The following PHF20 variants were observed in gnomAD, a reference collection of about 807,000 sequenced individuals.
PHF20 encodes the protein PHD finger protein 20, also known as glioma-expressed antigen 2.
PHF20 carries 23 observed loss-of-function variants against 113.5 expected under a neutral mutation model. The ratio of observed to expected loss-of-function variants is 0.20; its 90% CI spans 0.15 to 0.29. The LOEUF (loss-of-function observed/expected upper bound fraction) is 0.29, where lower values mean the gene tolerates loss of function less well. Ranked by LOEUF, PHF20 falls within the 10% of genes least tolerant of loss-of-function variation. PHF20 has a pLI of 1.00. For synonymous variants in PHF20, 434 were observed against 457.3 expected (o/e 0.95, Z 0.65); for missense variants, 943 against 1,219.6 (o/e 0.77, Z 3.38).
intron 9 of PHF20, among the ~76,000 whole-genome samples, chr20:35,893,722 C>G (rs1282588836): frequency 6.6e-6 from 1 of 152,132 alleles, no homozygotes; most frequent in Non-Finnish European, 1.5e-5. Flanking sequence ...TCAAGTGATT[C>G]TCCTGCCTCA....
chr20:35,863,164 C>A lies in PHF20; in HGVS notation c.572C>A (p.Pro191His), dbSNP rs774172000. 1 of 1,613,364 alleles carries A rather than the reference C, an allele frequency of 6.2e-7. No homozygotes were observed. The highest frequency in any genetic ancestry group is 2.2e-5 in the East Asian group (1 of 44,864). ...AAACCCTTAAAGACAGAAAAGCGAC[C>A]CAAGCAGCCTGATAAAGAAGGAAAG... ...EDKPLKTEKR[P>H]KQPDKEGKLI... Residue 191 changes from proline to histidine, a missense_variant, in exon 6 of 18, where the codon CCC (proline) becomes CAC (histidine). By Grantham distance (77) the Pro-to-His change is moderately conservative. Transcript: ENST00000374012.
At chr20:35,941,881 A>G (rs1324952735) in intron 17 of PHF20, among the ~76,000 whole-genome samples, 4 of 152,190 alleles carry the variant, frequency 2.6e-5, no homozygotes, top group African/African-American at 9.6e-5. Flanking sequence ...AGGGCTTCCT[A>G]AAACTCCTGA....
At chr20:35,784,003 A>C (rs2041356148) in intron 1 of PHF20, among the ~76,000 whole-genome samples, 1 of 151,630 alleles carries the variant, frequency 6.6e-6, no homozygotes, top group African/African-American at 2.4e-5. Context: ...AACCAAACCA[A>C]AGTACTGGGA....
chr20:35,894,885 C>T (rs1025884793), intron 9 of PHF20, among the ~76,000 whole-genome samples: 2 of 152,196 alleles, frequency 1.3e-5, no homozygotes, highest in Non-Finnish European at 2.9e-5. Flanking sequence ...GACGGAGTCT[C>T]ACTCTTGTCA....
chr20:35,861,994 ATAAACT>A (rs1158627419), intron 5 of PHF20, among the ~76,000 whole-genome samples: 2 of 152,200 alleles, frequency 1.3e-5, no homozygotes, highest in African/African-American at 4.8e-5. Context: ...ATGTACACAA[ATAAACT>A]TAATTATAGT....
intron 2 of PHF20, among the ~76,000 whole-genome samples, chr20:35,805,874 T>C (rs907816917): frequency 1.3e-5 from 2 of 151,890 alleles, no homozygotes; most frequent in Non-Finnish European, 2.9e-5. Context: ...CTTTTTTTTT[T>C]CGTTTGGGAC....
intron 9 of PHF20, among the ~76,000 whole-genome samples, chr20:35,891,790 C>T (rs1315705079): frequency 6.6e-6 from 1 of 152,096 alleles, no homozygotes; most frequent in Admixed American, 6.6e-5. Context: ...TTTGCAAAAC[C>T]TTCACGAGAA....
intron 14 of PHF20, among the ~76,000 whole-genome samples, chr20:35,930,369 A>G (rs2055728531): frequency 6.6e-6 from 1 of 152,146 alleles, no homozygotes; most frequent in Non-Finnish European, 1.5e-5. Context: ...AGTAAACAAG[A>G]CTGTGTAAGG....
At chr20:35,805,350 ATTT>A (rs202026110) in intron 2 of PHF20, among the ~76,000 whole-genome samples, 3,938 of 130,164 alleles carry the variant, frequency 0.03, 65 homozygotes, top group African/African-American at 0.045. Context: ...ACCACGCCTG[ATTT>A]TTTATTATTA....
intron 9 of PHF20, among the ~76,000 whole-genome samples, chr20:35,881,585 T>C (rs1178916398): frequency 1.3e-5 from 2 of 151,586 alleles, no homozygotes; most frequent in Admixed American, 6.6e-5. Context: ...CCATATTTCC[T>C]AAAGACAAGG....
intron 9 of PHF20, chr20:35,878,373 T>C (rs1027177233): frequency 2.5e-6 from 1 of 400,338 alleles, no homozygotes; most frequent in South Asian, 5.9e-5. Context: ...TGAAAATGTG[T>C]GCCTGCTACA....
intron 17 of PHF20, among the ~76,000 whole-genome samples, chr20:35,945,884 GGGGTCCTGCAT>G (rs2056075536): frequency 6.6e-6 from 1 of 152,122 alleles, no homozygotes; most frequent in Non-Finnish European, 1.5e-5. Flanking sequence ...AATATTTAAA[GGGGTCCTGCAT>G]GGTGGTTCAT....
intron 1 of PHF20, among the ~76,000 whole-genome samples, chr20:35,784,848 C>T (rs1419962105): frequency 1.3e-5 from 2 of 152,010 alleles, no homozygotes; most frequent in African/African-American, 4.8e-5. Flanking sequence ...CTGAGGAGTT[C>T]GAGACTAGCC....
chr20:35,887,947 A>G (rs896915389), intron 9 of PHF20: 1 of 151,826 alleles, frequency 6.6e-6, no homozygotes, highest in Non-Finnish European at 1.5e-5. Context: ...TCCCCCGAAA[A>G]TAGATAAAGA....
At chr20:35,806,462 A>T (rs1893701414) in intron 2 of PHF20, among the ~76,000 whole-genome samples, 1 of 152,086 alleles carries the variant, frequency 6.6e-6, no homozygotes, top group African/African-American at 2.4e-5. Context: ...TGCCTGGCAC[A>T]TATTTAGGTT....
chr20:35,801,559 T>C lies in PHF20; in HGVS notation c.37T>C (p.Phe13Leu), dbSNP rs1302616679. ...KHPPNRRGIS[F>L]EVGAQLEARD... ...TCCACCTAACAGACGAGGAATCAGC[T>C]TTGAAGTGGGAGCCCAGTTGGAAGC... Residue 13 changes from phenylalanine to leucine, a missense_variant, in exon 2 of 18, where the codon TTT becomes CTT. Physicochemically the swap from Phe to Leu is conservative, Grantham distance 22. Coordinates refer to ENST00000374012, the MANE Select transcript of PHF20 (RefSeq NM_016436.5). 7 of 1,614,002 alleles carry C rather than the reference T, an allele frequency of 4.3e-6. No individual in the cohort carries two copies. Among genetic ancestry groups the C allele is most frequent in the Non-Finnish European group, 5.9e-6 (7 of 1,179,904 alleles).
intron 3 of PHF20, among the ~76,000 whole-genome samples, chr20:35,843,342 A>G (rs1387304057): frequency 1.4e-5 from 2 of 147,180 alleles, no homozygotes. Context: ...ACATGGTGAA[A>G]CCCCACCTCT....
intron 3 of PHF20, among the ~76,000 whole-genome samples, chr20:35,846,293 C>T (rs979174272): frequency 1.3e-5 from 2 of 151,940 alleles, no homozygotes; most frequent in African/African-American, 4.8e-5. Context: ...GATTCTCCTG[C>T]CTCAGCCATC....
chr20:35,910,303 T>C (rs2055274707), intron 10 of PHF20, among the ~76,000 whole-genome samples: 1 of 152,132 alleles, frequency 6.6e-6, no homozygotes, highest in Non-Finnish European at 1.5e-5. Flanking sequence ...AGGGTTTTAC[T>C]TTGGAGTGAT....
Sources: gnomAD v4.1 joint callset for allele counts (sites outside exome capture counted in the v4.1 genomes callset) on GRCh38, gnomAD v4.1.1 for gene constraint, MANE v1.5 for transcripts, NCBI Gene and HGNC (gene_info 2026-07-23, HGNC 2026-07-21) for gene names.